Variants in EPS8 observed in about 807,000 individuals in gnomAD.
EPS8 encodes the protein epidermal growth factor receptor kinase substrate 8.
Under a neutral mutation model 103.8 loss-of-function variants are expected in EPS8, and 42 were observed. That is an observed-to-expected ratio of 0.40 (90% CI 0.32 to 0.52). The LOEUF (loss-of-function observed/expected upper bound fraction) is 0.52. Among genes scored for constraint, EPS8 ranks in the 20% least tolerant of loss-of-function variants. EPS8 has a pLI of 0.40. For synonymous variants in EPS8, 344 were observed against 344.6 expected (o/e 1.00, Z 0.02); for missense variants, 969 against 1,005.1 (o/e 0.96, Z 0.49).
Position 15,650,891 on chromosome 12 carries a change from G to A in EPS8, c.1366C>T (p.Leu456=), listed in dbSNP as rs763622486. ...GCTACATTTGCCACAGATTCTGCCAGTTGATAAAGATCTTGTTCCATTGTG... is the reference window on the plus strand; with the variant it reads ...GCTACATTTGCCACAGATTCTGCCAATTGATAAAGATCTTGTTCCATTGTG... ...GATMEQDLYQ[L]AESVANVAEH... The change falls in exon 14 of 21, where the codon CTG becomes TTG. Residue 456 remains leucine, a synonymous_variant. Coordinates refer to ENST00000281172, the MANE Select transcript of EPS8 (RefSeq NM_004447.6). 6 of 1,613,978 alleles carry A rather than the reference G, an allele frequency of 3.7e-6. No individual in the cohort carries two copies. In the East Asian group the frequency reaches 8.9e-5, roughly 24 times the overall value.
intron 17 of EPS8, among the ~76,000 whole-genome samples, chr12:15,638,182 A>G (rs1336188892): frequency 6.6e-6 from 1 of 152,134 alleles, no homozygotes; most frequent in Non-Finnish European, 1.5e-5. Flanking sequence ...TAGAGATATG[A>G]AACAGTAGAT....
chr12:15,695,255 A>T lies in EPS8; in HGVS notation c.-21-12283T>A, dbSNP rs1461727354. On this transcript the variant is annotated intron_variant, in intron 1 of 20. Transcript: ENST00000281172. This position sits in a 1 kb window ranked among gnomAD's most constrained non-coding sequence, Gnocchi z 5.0. The stretch of plus-strand genomic sequence containing the variant: ...ACATGGATTAATTAAAAACTAAAAT[A>T]ACTTTTAAACATGATTATTCAAACA... 6.6e-6 allele frequency among the ~76,000 whole-genome samples: 1 copy of T among 152,256 alleles called. No individual in the cohort carries two copies. The highest frequency in any genetic ancestry group is 2.4e-5 in the African/African-American group (1 of 41,464).
chr12:15,624,642 G>C (rs1944916270), intron 18 of EPS8, among the ~76,000 whole-genome samples: 1 of 152,096 alleles, frequency 6.6e-6, no homozygotes, highest in African/African-American at 2.4e-5. Context: ...CCCAATCCTG[G>C]TTAAACCTAA....
At position 15,780,414 on chromosome 12, in the gene EPS8, C is replaced by A. The variant is rs1163756061; in HGVS notation, c.-22+8747G>T. Reference sequence around the variant, plus strand: ...TCTATGAGACTCAAACATCACCTTCCCCAGTAAAGACTTTTCTGACTCCCT... The same window carrying A: ...TCTATGAGACTCAAACATCACCTTCACCAGTAAAGACTTTTCTGACTCCCT... On this transcript the variant is annotated intron_variant, in intron 1 of 20. Transcript: ENST00000281172. This position sits in a 1 kb window ranked among gnomAD's most constrained non-coding sequence, Gnocchi z 4.1. Among the ~76,000 whole-genome samples the A allele has an allele frequency of 6.6e-6, 1 of 150,446 alleles. No individual in the cohort carries two copies. Among genetic ancestry groups the A allele is most frequent in the Non-Finnish European group, 1.5e-5 (1 of 67,742 alleles).
intron 1 of EPS8, among the ~76,000 whole-genome samples, chr12:15,720,682 T>A (rs1946585368): frequency 6.6e-6 from 1 of 152,194 alleles, no homozygotes; most frequent in African/African-American, 2.4e-5. Flanking sequence ...CCTCTTACTG[T>A]CACCTAAAAG....
chr12:15,687,951 T>G (rs1274428300), intron 1 of EPS8, among the ~76,000 whole-genome samples: 1 of 152,250 alleles, frequency 6.6e-6, no homozygotes, highest in African/African-American at 2.4e-5. Flanking sequence ...CATTCTATTG[T>G]CTTAATCTTG....
At chr12:15,636,646 T>C (rs1289061759) in intron 17 of EPS8, among the ~76,000 whole-genome samples, 1 of 152,224 alleles carries the variant, frequency 6.6e-6, no homozygotes, top group African/African-American at 2.4e-5. Flanking sequence ...TATATGTCTT[T>C]ATAGGAAATG....
intron 18 of EPS8, among the ~76,000 whole-genome samples, chr12:15,626,720 C>T (rs896890257): frequency 6.6e-6 from 1 of 151,974 alleles, no homozygotes; most frequent in African/African-American, 2.4e-5. Context: ...CAGTAAAAGG[C>T]CCTACAAGAC....
rs190985662 is a variant in EPS8, at chr12:15,757,860, G to A, written c.-22+31301C>T. 3.1e-3 allele frequency among the ~76,000 whole-genome samples: 468 copies of A among 152,276 alleles called. 3 individuals carry two copies. The highest frequency in any genetic ancestry group is 0.02 in the Middle Eastern group (6 of 294). On this transcript the variant is annotated intron_variant, in intron 1 of 20. Coordinates refer to ENST00000281172, the MANE Select transcript of EPS8 (RefSeq NM_004447.6). The surrounding 1 kb of genome is among the most constrained non-coding windows in gnomAD (Gnocchi z 4.1). ...CTTAGCAGCTTAGAAGAACAATAGCGTAAGGTACTAGCTCTCACAGTTTCT... is the reference window on the plus strand; with the variant it reads ...CTTAGCAGCTTAGAAGAACAATAGCATAAGGTACTAGCTCTCACAGTTTCT...
At chr12:15,655,957 A>G (rs1313527628) in intron 12 of EPS8, among the ~76,000 whole-genome samples, 1 of 152,208 alleles carries the variant, frequency 6.6e-6, no homozygotes, top group East Asian at 1.9e-4. Context: ...CCAGCAAAAT[A>G]TTATGATTGG....
chr12:15,694,706 T>C (rs1368308194), intron 1 of EPS8, among the ~76,000 whole-genome samples: 2 of 152,192 alleles, frequency 1.3e-5, no homozygotes, highest in African/African-American at 4.8e-5. Context: ...AAAAGTAGTA[T>C]GAAACTCTCT....
At chr12:15,675,801 C>A (rs1299491982) in intron 3 of EPS8, among the ~76,000 whole-genome samples, 2 of 152,180 alleles carry the variant, frequency 1.3e-5, no homozygotes, top group African/African-American at 4.8e-5. Context: ...GAAATGATCA[C>A]ATTCCAAATT....
In EPS8 at chr12:15,748,665, C is replaced by T. The variant is rs747921078; in HGVS notation, c.-22+40496G>A. Among the ~76,000 whole-genome samples, 18 of 152,070 alleles carry T rather than the reference C, an allele frequency of 1.2e-4. No individual in the cohort carries two copies. The South Asian group carries it at 2.5e-3, about 21-fold the overall frequency. On this transcript the variant is annotated intron_variant, in intron 1 of 20. Coordinates refer to ENST00000281172, the MANE Select transcript of EPS8 (RefSeq NM_004447.6). This position sits in a 1 kb window ranked among gnomAD's most constrained non-coding sequence, Gnocchi z 4.8. Reference sequence around the variant, plus strand: ...CTGATATAAAGAAAAGAAAATATGCCCAGTTAGTTTAAAATGGAATAACTC... The same window carrying T: ...CTGATATAAAGAAAAGAAAATATGCTCAGTTAGTTTAAAATGGAATAACTC...
At position 15,775,089 on chromosome 12, in the gene EPS8, C is replaced by T. The variant is rs150304686; in HGVS notation, c.-22+14072G>A. Among the ~76,000 whole-genome samples the T allele has an allele frequency of 7.3e-3, 1,112 of 152,158 alleles. 19 individuals carry two copies. Among genetic ancestry groups the T allele is most frequent in the Non-Finnish European group, 4.7e-3 (321 of 67,980 alleles). ...GTGTGTTAGAATGCGCTTGGCCCCACTAAAGAAGGAGTCCACATTTTCCTT... is the reference window on the plus strand; with the variant it reads ...GTGTGTTAGAATGCGCTTGGCCCCATTAAAGAAGGAGTCCACATTTTCCTT... On this transcript the variant is annotated intron_variant, in intron 1 of 20. Transcript: ENST00000281172.
chr12:15,663,976 T>TACACAC (rs1555112260), intron 8 of EPS8, among the ~76,000 whole-genome samples: 3,237 of 104,400 alleles, frequency 0.031, 93 homozygotes, highest in Non-Finnish European at 0.038. Flanking sequence ...TATATATATA[T>TACACAC]ACACACACAC....
rs1946350322 is a variant in EPS8 at position 15,704,030 on chromosome 12, AAGC to A, written c.-21-21061_-21-21059del. ...TATTAGTTACACAAGAAATCCAATG[AAGC>A]TATCTTCATCCTATTTTAGAAAGTT... On this transcript the variant is annotated intron_variant, in intron 1 of 20. Transcript: ENST00000281172. This position sits in a 1 kb window ranked among gnomAD's most constrained non-coding sequence, Gnocchi z 4.6. Among the ~76,000 whole-genome samples the A allele has an allele frequency of 1.3e-5, 2 of 151,980 alleles. No homozygotes were observed. The highest frequency in any genetic ancestry group is 1.3e-4 in the Admixed American group (2 of 15,256).
rs1242544393 is a variant in EPS8, at chr12:15,665,858, G to C, written c.634C>G (p.Pro212Ala). Residue 212 changes from proline (P) to alanine (A), a missense_variant, in exon 8 of 21, where the codon CCA becomes GCA. Transcript: ENST00000281172. ...ISNADPSIPP[P>A]PRAPAPAPPG... is the part of the protein sequence containing the mutation. The stretch of plus-strand genomic sequence containing the variant: ...GGCGCAGGGGCAGGAGCTCTGGGTG[G>C]AGGCGGTATACTAGGGTCTGCATTG... The C allele has an allele frequency of 6.2e-7, 1 of 1,613,940 alleles. No homozygotes were observed.
In EPS8 at chr12:15,658,689, T is replaced by C. The variant is rs1002299034; in HGVS notation, c.938-104A>G. 5.3e-6 allele frequency: 4 copies of C among 760,098 alleles called. No homozygotes were observed. The East Asian group carries it at 9.8e-5, about 19-fold the overall frequency. The allele number at this position is 760,098 out of a possible 1,614,324, so 47.1% of individuals were successfully genotyped here. A position where few individuals can be genotyped will look rare whatever the true frequency, so the allele number is the denominator to read the frequency against. ...ATGTCTGTAAAGTTTGAAGATCTCA[T>C]CAGACATGCTACCTAGTTACCGTGC... is the stretch of plus-strand genomic sequence containing the variant. On this transcript the variant is annotated intron_variant, in intron 10 of 20. Coordinates refer to ENST00000281172, the MANE Select transcript of EPS8 (RefSeq NM_004447.6).
intron 1 of EPS8, among the ~76,000 whole-genome samples, chr12:15,746,827 A>C (rs1385922001): frequency 6.6e-6 from 1 of 152,088 alleles, no homozygotes; most frequent in Admixed American, 6.5e-5. Flanking sequence ...AATCAAACTC[A>C]TCTACAAGCA....
Sources: allele counts gnomAD v4.1 joint callset (sites outside exome capture counted in the v4.1 genomes callset), GRCh38; gene constraint gnomAD v4.1.1; non-coding constraint Gnocchi (gnomAD v3.1); transcripts MANE v1.5; gene names NCBI Gene and HGNC (gene_info 2026-07-23, HGNC 2026-07-21).